SLC38A6: variants seen among roughly 807,000 people sequenced by gnomAD.
SLC38A6 encodes the protein N system amino acid transporter NAT-1.
Under a neutral mutation model 65.0 loss-of-function variants are expected in SLC38A6, and 73 were observed. That is an observed-to-expected ratio of 1.12 (90% confidence interval 0.93 to 1.37). SLC38A6 has a LOEUF of 1.37. Among genes scored for constraint, SLC38A6 ranks in the 40% most tolerant of loss-of-function variants. The pLI, the probability that SLC38A6 is intolerant of heterozygous loss-of-function variation, is 0.00. For missense variants in SLC38A6, 561 were observed against 531.1 expected, an observed-to-expected ratio of 1.06 and a Z score of -0.55; for synonymous variants, 183 against 178.8, an observed-to-expected ratio of 1.02 and a Z score of -0.19.
At chr14:61,083,685 C>T in exon 17 of SLC38A6, 11 of 1,549,672 alleles carry the variant, frequency 7.1e-6, no homozygotes, top group Admixed American at 2.0e-5. Context: ...TCTTGCACTT[C>T]CCAACCTCCA....
downstream of SLC38A6, among the ~76,000 whole-genome samples, chr14:61,054,908 T>C (rs551753596): frequency 1.3e-5 from 2 of 152,132 alleles, no homozygotes; most frequent in Admixed American, 1.3e-4. Context: ...TGAATAGGAG[T>C]GGTGAGAGAG....
At chr14:60,988,791 T>A (rs1443934112) in intron 3 of SLC38A6, among the ~76,000 whole-genome samples, 1 of 152,202 alleles carries the variant, frequency 6.6e-6, no homozygotes, top group East Asian at 1.9e-4. Context: ...CCCTTGCCTA[T>A]CCCTTGAACC....
chr14:61,045,665 C>T (rs758901076), intron 11 of SLC38A6, among the ~76,000 whole-genome samples: 5 of 152,016 alleles, frequency 3.3e-5, no homozygotes, highest in African/African-American at 7.3e-5. Context: ...AGGCGGGTCA[C>T]CTGAGGTCAG....
intron 3 of SLC38A6, among the ~76,000 whole-genome samples, chr14:61,006,086 C>A (rs1348940265): frequency 6.6e-6 from 1 of 152,122 alleles, no homozygotes; most frequent in Non-Finnish European, 1.5e-5. Context: ...GAAGGGATTC[C>A]CTATTTAATA....
At chr14:61,010,884 A>G (rs1037588835) in intron 3 of SLC38A6, among the ~76,000 whole-genome samples, 2 of 152,124 alleles carry the variant, frequency 1.3e-5, no homozygotes, top group African/African-American at 2.4e-5. Flanking sequence ...TCAGTTCCAT[A>G]TGAACTTTAA....
At chr14:60,989,619 G>A (rs1267211734) in intron 3 of SLC38A6, among the ~76,000 whole-genome samples, 1 of 152,152 alleles carries the variant, frequency 6.6e-6, no homozygotes, top group Non-Finnish European at 1.5e-5. Context: ...AGCTACTGGG[G>A]CAGCTGAGGC....
At chr14:61,002,743 C>G (rs1054291457) in intron 3 of SLC38A6, among the ~76,000 whole-genome samples, 1 of 152,162 alleles carries the variant, frequency 6.6e-6, no homozygotes. Context: ...TATAGCCTTT[C>G]TGCTCTCACA....
At chr14:60,991,518 A>G (rs1223830344) in intron 3 of SLC38A6, among the ~76,000 whole-genome samples, 1 of 152,170 alleles carries the variant, frequency 6.6e-6, no homozygotes, top group East Asian at 1.9e-4. Flanking sequence ...GAAGTATAGG[A>G]GCCAGGATTC....
chr14:61,026,112 G>A (rs1482556348), intron 5 of SLC38A6, among the ~76,000 whole-genome samples: 1 of 152,046 alleles, frequency 6.6e-6, no homozygotes, highest in African/African-American at 2.4e-5. Flanking sequence ...AAACTGTAAT[G>A]ATGTCTTAGG....
At chr14:60,982,774 T>A in intron 2 of SLC38A6, 136 bp downstream of exon 2, 1 of 1,005,738 alleles carries the variant, frequency 9.9e-7, no homozygotes, top group Non-Finnish European at 1.4e-6. Context: ...TTTTTCTTGT[T>A]ATTCTTGTTG....
At chr14:61,041,793 G>A (rs550155862) in intron 8 of SLC38A6, among the ~76,000 whole-genome samples, 1 of 152,162 alleles carries the variant, frequency 6.6e-6, no homozygotes, top group South Asian at 2.1e-4. Flanking sequence ...CCAGGCACTC[G>A]GGAGGCTGAG....
At chr14:61,081,910 G>A (rs1732642909) in intron 16 of SLC38A6, among the ~76,000 whole-genome samples, 1 of 152,116 alleles carries the variant, frequency 6.6e-6, no homozygotes, top group Admixed American at 6.5e-5. Flanking sequence ...ACTGGGGTAG[G>A]CTGTGTAGTA....
chr14:60,987,169 CTTT>C (rs75703068), intron 3 of SLC38A6: 674 of 191,756 alleles, frequency 3.5e-3, no homozygotes, highest in South Asian at 9.9e-3. Flanking sequence ...TAGGCTTTTC[CTTT>C]TTTTTTTTTT....
chr14:61,047,974 G>C (rs10146727), intron 12 of SLC38A6, among the ~76,000 whole-genome samples: 56 of 77,120 alleles, frequency 7.3e-4, no homozygotes, highest in South Asian at 2.6e-3. Flanking sequence ...TAGATAGATA[G>C]ATACATACAT....
chr14:61,065,107 T>C (rs2042979773), intron 15 of SLC38A6, among the ~76,000 whole-genome samples: 1 of 152,108 alleles, frequency 6.6e-6, no homozygotes, highest in South Asian at 2.1e-4. Flanking sequence ...CTGGAAATCT[T>C]TGGGGTGTGT....
intron 12 of SLC38A6, 29 bp from the exon 13 acceptor site, chr14:61,050,483 T>C: frequency 7.0e-7 from 1 of 1,434,198 alleles, no homozygotes; most frequent in African/African-American, 1.4e-5. Flanking sequence ...TAGTACTTTA[T>C]AATGTGATCC....
At chr14:61,078,046 T>TA (rs2043488144) in intron 15 of SLC38A6, among the ~76,000 whole-genome samples, 2 of 152,232 alleles carry the variant, frequency 1.3e-5, no homozygotes, top group Admixed American at 6.5e-5. Flanking sequence ...TACTGGAACT[T>TA]ACAATCCAAT....
rs543176731 is a variant in SLC38A6, at chr14:60,989,812, A to G, written c.310+5009A>G. 1.1e-4 allele frequency among the ~76,000 whole-genome samples: 16 copies of G among 152,340 alleles called. No individual in the cohort carries two copies. In the South Asian group the frequency reaches 1.7e-3, roughly 16 times the overall value. On this transcript the variant is annotated intron_variant, in intron 3 of 15. Transcript: ENST00000267488. ...GCTTTTCCACTGAAACTGTTGTAGCAGTGACTTCCACATTGCTAAATCCAA... is the reference window on the plus strand; with the variant it reads ...GCTTTTCCACTGAAACTGTTGTAGCGGTGACTTCCACATTGCTAAATCCAA...
In SLC38A6 at chr14:61,052,255, CAG is replaced by C. The variant is rs1055542622; in HGVS notation, c.1291-89_1291-88del. 1.1e-4 allele frequency: 136 copies of C among 1,268,938 alleles called. No homozygotes were observed. In the African/African-American group the frequency reaches 1.8e-3, roughly 17 times the overall value. 78.6% of individuals were successfully genotyped at this position (1,268,938 alleles called of 1,614,324 possible). A position where few individuals can be genotyped will look rare whatever the true frequency, so the allele number is the denominator to read the frequency against. ...TTTTAAAATATAGAATACATTATTG[CAG>C]AGAGTAGAGATTTAACAAATAATCC... On this transcript the variant is annotated intron_variant, in intron 15 of 15. Transcript: ENST00000267488.
Sources: allele counts gnomAD v4.1 joint callset (sites outside exome capture counted in the v4.1 genomes callset), GRCh38; gene constraint gnomAD v4.1.1; transcripts MANE v1.5; gene names NCBI Gene and HGNC (gene_info 2026-07-23, HGNC 2026-07-21).